Variants in ASPRV1 observed in about 807,000 individuals in gnomAD.
ASPRV1 encodes aspartic peptidase retroviral like 1.
A neutral mutation model predicts 11.0 loss-of-function variants in ASPRV1; 7 were observed. The ratio of observed to expected loss-of-function variants is 0.64; its 90% confidence interval spans 0.36 to 1.20. ASPRV1 has a LOEUF of 1.20. ASPRV1 is among the 50% of genes most tolerant of loss of function. The probability of loss-of-function intolerance (pLI) is 0.02; values close to 1 mark genes in which losing one functional copy is unlikely to be tolerated. For synonymous variants in ASPRV1, 136 were observed against 138.4 expected (o/e 0.98, Z 0.12); for missense variants, 299 against 320.0 (o/e 0.93, Z 0.50).
chr2:69,983,653 C>T, the ASPRV1 span, among the ~76,000 whole-genome samples: 3 of 152,156 alleles, frequency 2.0e-5, no homozygotes, highest in Non-Finnish European at 4.4e-5. Context: ...AGTAATTACA[C>T]AGTTCTGTGA....
At chr2:70,037,366 C>G in the ASPRV1 span, among the ~76,000 whole-genome samples, 3 of 152,170 alleles carry the variant, frequency 2.0e-5, no homozygotes, top group African/African-American at 7.2e-5. Flanking sequence ...CTCTGTCACT[C>G]AGGCTGGGGC....
chr2:70,041,635 G>A, the ASPRV1 span, among the ~76,000 whole-genome samples: 1 of 152,340 alleles, frequency 6.6e-6, no homozygotes, highest in East Asian at 1.9e-4. Context: ...TTAAACTTGA[G>A]ACTGATGCTG....
chr2:70,057,787 G>A, the ASPRV1 span, among the ~76,000 whole-genome samples: 7 of 150,998 alleles, frequency 4.6e-5, no homozygotes, highest in South Asian at 2.1e-4. Context: ...CCAGTAAAAC[G>A]ATTTTTTTGT....
the ASPRV1 span, among the ~76,000 whole-genome samples, chr2:70,001,095 A>AC: frequency 6.6e-6 from 1 of 152,102 alleles, no homozygotes; most frequent in African/African-American, 2.4e-5. Flanking sequence ...CCTGGAAGGC[A>AC]ATTTGACAAT....
At chr2:70,081,391 T>C in the ASPRV1 span, 1 of 151,900 alleles carries the variant, frequency 6.6e-6, no homozygotes, top group Non-Finnish European at 1.5e-5. Context: ...GCTACTCGGG[T>C]TGCTGAGGCA....
At chr2:69,979,524 G>A in the ASPRV1 span, among the ~76,000 whole-genome samples, 1 of 152,314 alleles carries the variant, frequency 6.6e-6, no homozygotes, top group African/African-American at 2.4e-5. Flanking sequence ...TCTGGGAGGG[G>A]CAGGACACAG....
chr2:69,958,693 C>G (rs1046667718), downstream of ASPRV1, among the ~76,000 whole-genome samples: 2 of 152,132 alleles, frequency 1.3e-5, no homozygotes, highest in East Asian at 1.9e-4. Context: ...GGAGAGGGCT[C>G]GGCCCATGAG....
the ASPRV1 span, among the ~76,000 whole-genome samples, chr2:70,063,237 T>G: frequency 1.5e-4 from 23 of 152,274 alleles, no homozygotes; most frequent in Non-Finnish European, 3.4e-4. Context: ...GGCACATGAG[T>G]GCCCCCTAAC....
At chr2:69,957,002 A>C (rs1462391575), downstream of ASPRV1, among the ~76,000 whole-genome samples, 1 of 152,164 alleles carries the variant, frequency 6.6e-6, no homozygotes, top group Non-Finnish European at 1.5e-5. Flanking sequence ...GATGAAAGAG[A>C]CACGGCAACT....
the ASPRV1 span, among the ~76,000 whole-genome samples, chr2:69,992,796 T>A: frequency 1.3e-5 from 2 of 152,252 alleles, no homozygotes; most frequent in Non-Finnish European, 2.9e-5. Flanking sequence ...AATGGTTTCA[T>A]CATTTTGTAA....
chr2:70,028,544 C>G, the ASPRV1 span: 1 of 152,042 alleles, frequency 6.6e-6, no homozygotes, highest in Non-Finnish European at 1.5e-5. Context: ...TAGTAGGAAC[C>G]CTGGTGCTGT....
the ASPRV1 span, chr2:70,087,019 G>A: frequency 1.6e-5 from 2 of 128,280 alleles, no homozygotes; most frequent in Non-Finnish European, 3.3e-5. Context: ...CCCCCCGGAA[G>A]AGGGCTGCTG....
At chr2:70,064,806 A>C in the ASPRV1 span, among the ~76,000 whole-genome samples, 2 of 152,214 alleles carry the variant, frequency 1.3e-5, no homozygotes, top group Non-Finnish European at 2.9e-5. Flanking sequence ...TAAAACAAAC[A>C]ATATCAGCCA....
chr2:70,060,045 A>C, the ASPRV1 span: 1 of 152,190 alleles, frequency 6.6e-6, no homozygotes. Flanking sequence ...TATATGGTTG[A>C]AAAGCCTGTT....
chr2:70,036,137 G>T, the ASPRV1 span, among the ~76,000 whole-genome samples: 1 of 151,872 alleles, frequency 6.6e-6, no homozygotes, highest in Non-Finnish European at 1.5e-5. Flanking sequence ...GGCAGACAGA[G>T]CAAAAGCTGC....
chr2:70,019,009 CTGAGAAGGGGT>C, the ASPRV1 span: 2 of 152,154 alleles, frequency 1.3e-5, no homozygotes, highest in Non-Finnish European at 2.9e-5. Context: ...AACCATGTAT[CTGAGAAGGGGT>C]TGTTATGATC....
the ASPRV1 span, among the ~76,000 whole-genome samples, chr2:69,981,630 C>G: frequency 6.6e-6 from 1 of 152,212 alleles, no homozygotes; most frequent in Non-Finnish European, 1.5e-5. Flanking sequence ...GATCTCGGCT[C>G]ACTGCAACCT....
At chr2:69,979,039 T>C in the ASPRV1 span, among the ~76,000 whole-genome samples, 1 of 152,142 alleles carries the variant, frequency 6.6e-6, no homozygotes, top group African/African-American at 2.4e-5. Context: ...GTTTTTTGTT[T>C]GTTTTTGTTT....
At chr2:70,062,695 A>G in the ASPRV1 span, among the ~76,000 whole-genome samples, 34,579 of 152,036 alleles carry the variant, frequency 0.23, 6,961 homozygotes, top group African/African-American at 0.51. Flanking sequence ...GGGTGGCTGA[A>G]GCAGAAGGGT....
Sources: allele counts gnomAD v4.1 joint callset (sites outside exome capture counted in the v4.1 genomes callset), GRCh38; gene constraint gnomAD v4.1.1; transcripts MANE v1.5; gene names NCBI Gene and HGNC (gene_info 2026-07-23, HGNC 2026-07-21).